The following KMT2C variants were observed in gnomAD, a reference collection of about 807,000 sequenced individuals.
KMT2C encodes histone-lysine N-methyltransferase 2C.
Under a neutral mutation model 507.9 loss-of-function variants are expected in KMT2C, and 88 were observed. That is an observed-to-expected ratio of 0.17 (90% CI 0.15 to 0.21). The LOEUF is 0.21. Among genes scored for constraint, KMT2C ranks in the 10% least tolerant of loss-of-function variants. The pLI, the probability that KMT2C is intolerant of heterozygous loss-of-function variation, is 1.00. For missense variants in KMT2C, 4,954 were observed against 5,957.8 expected (o/e 0.83, Z 5.55); for synonymous variants, 2,049 against 2,080.8 (o/e 0.98, Z 0.42).
chr7:152,247,106 C>A (rs2095484812), intron 14 of KMT2C, among the ~76,000 whole-genome samples: 1 of 152,114 alleles, frequency 6.6e-6, no homozygotes, highest in Non-Finnish European at 1.5e-5. Flanking sequence ...CTCCAAATTA[C>A]TATTGTGAAT....
intron 42 of KMT2C, 49 bp from the exon 43 acceptor site, chr7:152,163,875 T>A (rs1315573165): frequency 1.3e-6 from 2 of 1,554,006 alleles, no homozygotes. Flanking sequence ...GCATAGGTAC[T>A]GAAGTAAAAC....
At chr7:152,272,999 G>GA (rs1259809387) in intron 7 of KMT2C, among the ~76,000 whole-genome samples, 2 of 151,822 alleles carry the variant, frequency 1.3e-5, no homozygotes, top group Non-Finnish European at 2.9e-5. Context: ...TAGACTAGGA[G>GA]AAAAAAGATC....
intron 48 of KMT2C, 111 bp from the exon 49 acceptor site, chr7:152,153,065 A>G (rs1175512161): frequency 3.0e-6 from 4 of 1,324,566 alleles, no homozygotes; most frequent in Admixed American, 4.9e-5. Flanking sequence ...AGATTCTAAG[A>G]AAATCCAACA....
Position 152,142,393 on chromosome 7 carries a change from A to G in KMT2C, c.14343+2320T>C, listed in dbSNP as rs577032190. On this transcript the variant is annotated intron_variant, in intron 55 of 58. Transcript: ENST00000262189. ...GCGGACATGAAAAGCTGCCTATTCA[A>G]TTAAGGTAACATCAGTCTATATTTA... is the stretch of plus-strand genomic sequence containing the variant. Among the ~76,000 whole-genome samples the G allele has an allele frequency of 3.8e-4, 58 of 152,402 alleles. 1 individual carries two copies. The South Asian group carries it at 0.011, about 29-fold the overall frequency.
Position 152,178,347 on chromosome 7 carries a change from G to A in KMT2C, c.7443-337C>T, listed in dbSNP as rs574246816. 7.2e-5 allele frequency among the ~76,000 whole-genome samples: 11 copies of A among 152,238 alleles called. No homozygotes were observed. The East Asian group carries it at 2.1e-3, about 29-fold the overall frequency. On this transcript the variant is annotated intron_variant, in intron 37 of 58. Transcript: ENST00000262189. ...CAATACTACTGGACTTTTTCAGGAA[G>A]AGTTTCTTTTATCTATATTTAGGGA...
chr7:152,383,501 G>C (rs1406214395), intron 1 of KMT2C, among the ~76,000 whole-genome samples: 1 of 152,170 alleles, frequency 6.6e-6, no homozygotes, highest in African/African-American at 2.4e-5. Flanking sequence ...CTAAGGGGAA[G>C]GACAGGAAGC....
rs1489134867 is a variant in KMT2C, at chr7:152,162,761, T to C, written c.10816A>G (p.Arg3606Gly). 1.2e-6 allele frequency: 2 copies of C among 1,614,216 alleles called. No homozygotes were observed. The highest frequency in any genetic ancestry group is 2.2e-5 in the South Asian group (2 of 91,082). The change falls in exon 43 of 59, where the codon AGA becomes GGA. Residue 3606 changes from arginine (R) to glycine (G), a missense_variant. Coordinates refer to ENST00000262189, the MANE Select transcript of KMT2C (RefSeq NM_170606.3). ...IIPEEKGKKK[R>G]TRKKKRDDDA... Reference sequence around the variant, plus strand: ...TCATCTCTTTTCTTCTTTCTTGTTCTTTTCTTTTTCCCTTTTTCCTCTGGG... The same window carrying C: ...TCATCTCTTTTCTTCTTTCTTGTTCCTTTCTTTTTCCCTTTTTCCTCTGGG...
chr7:152,305,554 C>CT lies in KMT2C; in HGVS notation c.849+4411dup, dbSNP rs749256774. Among the ~76,000 whole-genome samples, 843 of 142,286 alleles carry CT rather than the reference C, an allele frequency of 5.9e-3. 4 individuals carry two copies. Among genetic ancestry groups the CT allele is most frequent in the Middle Eastern group, 0.015 (4 of 272 alleles). The allele number at this position is 142,286 out of a possible 152,430, so 93.3% of individuals were successfully genotyped here. A position where few individuals can be genotyped will look rare whatever the true frequency, so the allele number is the denominator to read the frequency against. On this transcript the variant is annotated intron_variant, in intron 6 of 58. Coordinates refer to ENST00000262189, the MANE Select transcript of KMT2C (RefSeq NM_170606.3). ...AGAGCCTTACAGGTTAGCAAGGAATCTTTTTTTTTTTTTTCTCAGAATAAA... is the reference window on the plus strand; with the variant it reads ...AGAGCCTTACAGGTTAGCAAGGAATCTTTTTTTTTTTTTTTCTCAGAATAAA...
At chr7:152,196,963 T>C (rs987126796) in intron 27 of KMT2C, among the ~76,000 whole-genome samples, 3 of 152,050 alleles carry the variant, frequency 2.0e-5, no homozygotes, top group African/African-American at 7.2e-5. Flanking sequence ...ATTTTAGAGA[T>C]TATGGGGAAG....
In KMT2C at chr7:152,340,702, T is replaced by C. The variant is rs58279643; in HGVS notation, c.251-9963A>G. Among the ~76,000 whole-genome samples the C allele has an allele frequency of 1.0e-2, 1,520 of 152,292 alleles. 39 individuals are homozygous for C. Among genetic ancestry groups the C allele is most frequent in the African/African-American group, 0.035 (1,460 of 41,558 alleles). On this transcript the variant is annotated intron_variant, in intron 2 of 58. Coordinates refer to ENST00000262189, the MANE Select transcript of KMT2C (RefSeq NM_170606.3). Reference sequence around the variant, plus strand: ...CTAATTTTCTCTGAGAGTTAACACTTTTACAGGTGACTTACTCTCTTTATA... The same window carrying C: ...CTAATTTTCTCTGAGAGTTAACACTCTTACAGGTGACTTACTCTCTTTATA...
chr7:152,135,115 G>C lies in KMT2C; in HGVS notation c.*1717C>G, dbSNP rs1229192946. 1 of 226,384 alleles carries C rather than the reference G, an allele frequency of 4.4e-6. No homozygotes were observed. The highest frequency in any genetic ancestry group is 8.8e-6 in the Non-Finnish European group (1 of 113,648). The allele number at this position is 226,384 out of a possible 1,614,324, so 14.0% of individuals were successfully genotyped here. A position where few individuals can be genotyped will look rare whatever the true frequency, so the allele number is the denominator to read the frequency against. ...GGTAGGATGTCAGGATATTGTACAA[G>C]AGAAGAAAAATATTCAGGAAACAAA... On this transcript the variant is annotated 3_prime_UTR_variant, in exon 59 of 59. Coordinates refer to ENST00000262189, the MANE Select transcript of KMT2C (RefSeq NM_170606.3).
intron 1 of KMT2C, among the ~76,000 whole-genome samples, chr7:152,364,522 T>C (rs1213132067): frequency 6.7e-6 from 1 of 150,094 alleles, no homozygotes; most frequent in African/African-American, 2.5e-5. Flanking sequence ...GGCAGGAGAA[T>C]GGTGTGAACC....
chr7:152,384,541 GTGCATAACA>G (rs2097402997), intron 1 of KMT2C, among the ~76,000 whole-genome samples: 1 of 14,962 alleles, frequency 6.7e-5, no homozygotes, highest in African/African-American at 2.7e-4. Context: ...TATCCCCCAT[GTGCATAACA>G]CCACCACCAC....
intron 1 of KMT2C, among the ~76,000 whole-genome samples, chr7:152,361,858 T>C (rs548596529): frequency 2.6e-5 from 4 of 152,138 alleles, no homozygotes; most frequent in Non-Finnish European, 5.9e-5. Context: ...TGGTAACTAA[T>C]CATTAGAGAG....
intron 1 of KMT2C, among the ~76,000 whole-genome samples, chr7:152,396,872 C>T (rs2097541044): frequency 6.6e-6 from 1 of 152,148 alleles, no homozygotes; most frequent in Non-Finnish European, 1.5e-5. Context: ...CTGTCCTCTT[C>T]GATGAGAGAA....
chr7:152,235,857 G>A lies in KMT2C; in HGVS notation c.2729C>T (p.Ser910Leu), dbSNP rs2129155486. 1 of 1,611,534 alleles carries A rather than the reference G, an allele frequency of 6.2e-7. No homozygotes were observed. The highest frequency in any genetic ancestry group is 8.5e-7 in the Non-Finnish European group (1 of 1,179,426). ...AGCTCCGATTCCACTTTTCAGCTTT[G>A]ACCTGCCTCGGCCACCTCGCCCCGA... ...GLSGRGGRGR[S>L]KLKSGIGAVV... The change falls in exon 16 of 59, where the codon TCA becomes TTA. Residue 910 changes from serine to leucine, a missense_variant. Coordinates refer to ENST00000262189, the MANE Select transcript of KMT2C (RefSeq NM_170606.3).
intron 42 of KMT2C, among the ~76,000 whole-genome samples, chr7:152,166,778 G>A (rs2092748277): frequency 6.6e-6 from 1 of 152,144 alleles, no homozygotes; most frequent in African/African-American, 2.4e-5. Context: ...CCTCAGTTAA[G>A]TCGAATACTC....
At chr7:152,311,679 T>C in intron 5 of KMT2C, 119 bp downstream of exon 5, 2 of 723,546 alleles carry the variant, frequency 2.8e-6, no homozygotes, top group South Asian at 3.3e-5. Flanking sequence ...GATTTTTTTA[T>C]AGTATGATTA....
Position 152,156,047 on chromosome 7 carries a change from A to G in KMT2C, c.11823T>C (p.Thr3941=), listed in dbSNP as rs757772791. 1 of 1,598,352 alleles carries G rather than the reference A, an allele frequency of 6.3e-7. No individual in the cohort carries two copies. The highest frequency in any genetic ancestry group is 8.5e-7 in the Non-Finnish European group (1 of 1,174,794). The change falls in exon 46 of 59, where the codon ACT becomes ACC. Residue 3941 remains threonine (T), a synonymous_variant. Transcript: ENST00000262189. ...GVLVSHEVTK[T]LGPKPFQLPF... is the part of the protein sequence containing the mutation. ...GCAGCTGAAATGGTTTAGGTCCTAG[A>G]GTTTTGGTAACTGGAAAAGCAAAAA...
Sources: allele counts gnomAD v4.1 joint callset (sites outside exome capture counted in the v4.1 genomes callset), GRCh38; gene constraint gnomAD v4.1.1; transcripts MANE v1.5; gene names NCBI Gene and HGNC (gene_info 2026-07-23, HGNC 2026-07-21).